The following EXPH5 variants were observed in gnomAD, a reference collection of about 807,000 sequenced individuals.
EXPH5 encodes exophilin 5.
In EXPH5, 42 loss-of-function variants were observed where a neutral mutation model predicts 41.1. The observed-to-expected ratio is 1.02, with a 90% CI of 0.80 to 1.32. The LOEUF is 1.32. Ranked by LOEUF, EXPH5 falls within the 40% of genes most tolerant of loss-of-function variation. EXPH5 has a pLI of 0.00. For synonymous variants in EXPH5, 798 were observed against 833.5 expected (o/e 0.96, Z 0.73); for missense variants, 2,298 against 2,314.5 (o/e 0.99, Z 0.15).
chr11:108,510,116 TA>T lies in EXPH5; in HGVS notation c.5390del (p.Leu1797Ter). The T allele has an allele frequency of 6.2e-7, 1 of 1,613,818 alleles. No homozygotes were observed. Among genetic ancestry groups the T allele is most frequent in the Non-Finnish European group, 8.5e-7 (1 of 1,179,988 alleles). ...GATCGCCATGAACATTAATGCTTTT[TA>T]AACTCTTTGAACGATAGAGGTGTGG... ...PEPHLYRSKSLKSINVHGDLL... is the reference protein window; with the variant it reads ...PEPHLYRSKSXKSINVHGDLL... On this transcript the variant is annotated frameshift_variant, in exon 6 of 6. Coordinates refer to ENST00000265843, the MANE Select transcript of EXPH5 (RefSeq NM_015065.3). LOFTEE classifies it high-confidence loss of function.
the EXPH5 span, among the ~76,000 whole-genome samples, chr11:108,605,867 T>C: frequency 6.6e-6 from 1 of 152,350 alleles, no homozygotes. Flanking sequence ...TGAGGCAGGA[T>C]TGCAGCAGCC....
Position 108,513,392 on chromosome 11 carries a change from T to C in EXPH5, c.2115A>G (p.Glu705=), listed in dbSNP as rs1219477454. Residue 705 remains glutamate (E), a synonymous_variant, in exon 6 of 6, where the codon GAA becomes GAG. Transcript: ENST00000265843. The part of the protein sequence containing the change: ...TEVNNEKDLN[E]SISEEDKQLS... ...GCTGTTTGTCTTCTTCTGAAATAGA[T>C]TCATTTAAGTCTTTCTCATTATTTA... 1 of 1,614,000 alleles carries C rather than the reference T, an allele frequency of 6.2e-7. No homozygotes were observed. Among genetic ancestry groups the C allele is most frequent in the Non-Finnish European group, 8.5e-7 (1 of 1,179,970 alleles).
chr11:108,572,906 T>C (rs1052650728), intron 1 of EXPH5, among the ~76,000 whole-genome samples: 9 of 151,932 alleles, frequency 5.9e-5, no homozygotes, highest in Non-Finnish European at 1.2e-4. Flanking sequence ...ATTAAGTAAT[T>C]TTTGAAGTAA....
intron 3 of EXPH5, among the ~76,000 whole-genome samples, chr11:108,534,108 T>C (rs3900699): frequency 0.3 from 46,256 of 152,160 alleles, 9,178 homozygotes; most frequent in African/African-American, 0.56. Context: ...TGTTTTCAAA[T>C]GTTGCCAAAT....
chr11:108,560,903 C>T (rs1591739882), intron 1 of EXPH5, among the ~76,000 whole-genome samples: 1 of 152,300 alleles, frequency 6.6e-6, no homozygotes, highest in Non-Finnish European at 1.5e-5. Context: ...CTAAATTCCT[C>T]TTTCTCAATC....
chr11:108,506,263 A>C lies in EXPH5; in HGVS notation c.*3274T>G, dbSNP rs1288596180. ...CAGCGACTTGTATGTTAAAATACATAGAAATTTGCTATACTTCTTTAACAA... is the reference window on the plus strand; with the variant it reads ...CAGCGACTTGTATGTTAAAATACATCGAAATTTGCTATACTTCTTTAACAA... On this transcript the variant is annotated 3_prime_UTR_variant, in exon 6 of 6. Transcript: ENST00000265843. The C allele has an allele frequency of 6.6e-6, 1 of 152,254 alleles. No homozygotes were observed. The highest frequency in any genetic ancestry group is 2.4e-5 in the African/African-American group (1 of 41,470). The allele number at this position is 152,254 out of a possible 1,614,324, so 9.4% of individuals were successfully genotyped here.
chr11:108,588,370 G>A (rs2094119276), intron 1 of EXPH5, among the ~76,000 whole-genome samples: 1 of 152,188 alleles, frequency 6.6e-6, no homozygotes. Flanking sequence ...GAGATTTAAA[G>A]TGGATAGATC....
In EXPH5 at chr11:108,511,821, A is replaced by G; in HGVS notation, c.3686T>C (p.Val1229Ala). 1.3e-6 allele frequency: 2 copies of G among 1,599,306 alleles called. No homozygotes were observed. The highest frequency in any genetic ancestry group is 1.7e-6 in the Non-Finnish European group (2 of 1,176,094). ...AACAGAAAACGTACTAGTCGTCTTA[A>G]CTTTATGTAATGTTTTCCCACGTTC... is the stretch of plus-strand genomic sequence containing the variant. ...GKERGKTLHK[V>A]KTTSTFSVSG... Residue 1229 changes from valine to alanine, a missense_variant, in exon 6 of 6, where the codon GTT becomes GCT. Val to Ala is a moderately conservative substitution (Grantham distance 64, BLOSUM62 0). Coordinates refer to ENST00000265843, the MANE Select transcript of EXPH5 (RefSeq NM_015065.3).
At position 108,539,038 on chromosome 11, in the gene EXPH5, T is replaced by G. The variant is rs764444254; in HGVS notation, c.429A>C (p.Ser143=). 3.9e-5 allele frequency: 63 copies of G among 1,596,166 alleles called. No individual in the cohort carries two copies. The highest frequency in any genetic ancestry group is 5.2e-5 in the Non-Finnish European group (61 of 1,170,364). ...KSGKETSKLP[S]LGQKGCDGHA... Reference sequence around the variant, plus strand: ...GTTTAACTCACCCTTTCTGTCCCAGTGATGGAAGCTTTGAAGTCTCCTTTC... The same window carrying G: ...GTTTAACTCACCCTTTCTGTCCCAGGGATGGAAGCTTTGAAGTCTCCTTTC... Residue 143 remains serine (S), a synonymous_variant, in exon 3 of 6, where the codon TCA becomes TCC. Coordinates refer to ENST00000265843, the MANE Select transcript of EXPH5 (RefSeq NM_015065.3).
chr11:108,578,930 G>A (rs994773441), intron 1 of EXPH5, among the ~76,000 whole-genome samples: 2 of 152,156 alleles, frequency 1.3e-5, no homozygotes, highest in Non-Finnish European at 2.9e-5. Context: ...TGTTTTAAAT[G>A]TAAGATCATA....
intron 4 of EXPH5, among the ~76,000 whole-genome samples, chr11:108,519,475 A>G (rs922224549): frequency 6.6e-6 from 1 of 152,112 alleles, no homozygotes; most frequent in African/African-American, 2.4e-5. Context: ...GGCCGCGTGC[A>G]GTGGCGCACA....
the EXPH5 span, among the ~76,000 whole-genome samples, chr11:108,604,013 T>C: frequency 3.9e-5 from 6 of 152,160 alleles, no homozygotes; most frequent in Non-Finnish European, 5.9e-5. Context: ...ATGGACCTAG[T>C]GGTCAGGTCA....
At position 108,512,424 on chromosome 11, in the gene EXPH5, C is replaced by T. The variant is rs760612077; in HGVS notation, c.3083G>A (p.Ser1028Asn). The change falls in exon 6 of 6, where the codon AGT (serine) becomes AAT (asparagine). Residue 1028 changes from serine to asparagine, a missense_variant. Coordinates refer to ENST00000265843, the MANE Select transcript of EXPH5 (RefSeq NM_015065.3). ...IYCTLPRKSSSFLIHGRQSGS... is the reference protein window; with the variant it reads ...IYCTLPRKSSNFLIHGRQSGS... ...TGACTGCCTGCCATGTATGAGAAAACTGCTTGATTTTCTTGGCAAGGTACA... is the reference window on the plus strand; with the variant it reads ...TGACTGCCTGCCATGTATGAGAAAATTGCTTGATTTTCTTGGCAAGGTACA... The T allele has an allele frequency of 1.2e-6, 2 of 1,611,616 alleles. No individual in the cohort carries two copies. The highest frequency in any genetic ancestry group is 4.5e-5 in the East Asian group (2 of 44,868).
intron 5 of EXPH5, among the ~76,000 whole-genome samples, chr11:108,517,905 C>T (rs1442125065): frequency 1.3e-5 from 2 of 151,996 alleles, no homozygotes; most frequent in African/African-American, 4.8e-5. Flanking sequence ...ATTACAGGTG[C>T]GTGCCACCAT....
chr11:108,519,046 C>A (rs538709133), intron 4 of EXPH5, among the ~76,000 whole-genome samples: 3 of 152,124 alleles, frequency 2.0e-5, no homozygotes, highest in Non-Finnish European at 2.9e-5. Context: ...AACCAGCAAC[C>A]CTTGGGGCTG....
chr11:108,568,252 A>G (rs375867415), intron 1 of EXPH5: 1 of 151,600 alleles, frequency 6.6e-6, no homozygotes, highest in Non-Finnish European at 1.5e-5. Context: ...AAAGCTCCTG[A>G]CTGAAGTCCA....
chr11:108,562,439 C>CA (rs202196520), intron 1 of EXPH5, among the ~76,000 whole-genome samples: 2,703 of 150,434 alleles, frequency 0.018, 68 homozygotes, highest in African/African-American at 0.059. Context: ...TAAACAACAA[C>CA]AAAAAAAAAG....
chr11:108,598,123 G>A (rs2094141285), upstream of EXPH5, among the ~76,000 whole-genome samples: 1 of 152,202 alleles, frequency 6.6e-6, no homozygotes. Flanking sequence ...GAGTGGTCAG[G>A]CTGGAGACTG....
intron 1 of EXPH5, among the ~76,000 whole-genome samples, chr11:108,554,309 C>G (rs2093981111): frequency 6.6e-6 from 1 of 152,178 alleles, no homozygotes; most frequent in South Asian, 2.1e-4. Context: ...CCCGCCTCAG[C>G]CTCCCAAAGT....
Sources: gnomAD v4.1 joint callset for allele counts (sites outside exome capture counted in the v4.1 genomes callset) on GRCh38, gnomAD v4.1.1 for gene constraint, MANE v1.5 for transcripts, NCBI Gene and HGNC (gene_info 2026-07-23, HGNC 2026-07-21) for gene names.